Variants in GLIS1 observed in about 807,000 individuals in gnomAD.
The protein encoded by GLIS1 is zinc finger protein GLIS1.
In GLIS1, 24 loss-of-function variants were observed where a neutral mutation model predicts 63.8. The ratio of observed to expected loss-of-function variants is 0.38; its 90% CI spans 0.27 to 0.53. GLIS1 has a LOEUF of 0.53. Ranked by LOEUF, GLIS1 falls within the 20% of genes least tolerant of loss-of-function variation. GLIS1 has a pLI of 0.85. For missense variants in GLIS1, 1,036 were observed against 1,074.1 expected (o/e 0.96, Z 0.50); for synonymous variants, 450 against 482.5 (o/e 0.93, Z 0.88).
At chr1:53,544,808 G>T (rs923089283) in intron 4 of GLIS1, among the ~76,000 whole-genome samples, 2 of 152,154 alleles carry the variant, frequency 1.3e-5, no homozygotes. Context: ...CTGGGCTTTG[G>T]GGCAGGTCCT....
chr1:53,678,337 G>A (rs1233405921), intron 2 of GLIS1, among the ~76,000 whole-genome samples: 3 of 136,822 alleles, frequency 2.2e-5, no homozygotes, highest in South Asian at 2.9e-4. Context: ...GAGGGGGGGG[G>A]GGTGGGGGGC....
At chr1:53,513,038 G>A (rs1361124678) in intron 8 of GLIS1, among the ~76,000 whole-genome samples, 3 of 152,070 alleles carry the variant, frequency 2.0e-5, no homozygotes, top group African/African-American at 7.2e-5. Flanking sequence ...AGGAGGGCCC[G>A]GTTTTCTGGG....
At chr1:53,514,906 T>A in intron 7 of GLIS1, 125 bp from the exon 8 acceptor site, 1 of 1,136,466 alleles carries the variant, frequency 8.8e-7, no homozygotes, top group Non-Finnish European at 1.2e-6. Context: ...AACAACGTTG[T>A]ATCACTGGAA....
At chr1:53,675,093 C>G (rs565126234) in intron 2 of GLIS1, among the ~76,000 whole-genome samples, 1 of 152,340 alleles carries the variant, frequency 6.6e-6, no homozygotes, top group East Asian at 1.9e-4. Flanking sequence ...CAGCATCTCA[C>G]CTGGAGACAG....
chr1:53,543,995 A>C (rs1279939292), intron 4 of GLIS1, among the ~76,000 whole-genome samples: 1 of 152,144 alleles, frequency 6.6e-6, no homozygotes, highest in African/African-American at 2.4e-5. Context: ...TCCATGGAGA[A>C]CCAAGGGGTG....
chr1:53,522,987 T>TTTTTCTTTC lies in GLIS1; in HGVS notation c.1593+1789_1593+1790insGAAAGAAAA, dbSNP rs1488744448. Reference sequence around the variant, plus strand: ...GTTTCTTTTTCTTTTCTTTTCTTTCTTTTTTTTTTTTTTTTTTTGAGACAG... The same window carrying TTTTTCTTTC: ...GTTTCTTTTTCTTTTCTTTTCTTTCTTTTTCTTTCTTTTTTTTTTTTTTTTTTGAGACAG... On this transcript the variant is annotated intron_variant, in intron 6 of 10. Coordinates refer to ENST00000628545, the MANE Select transcript of GLIS1 (RefSeq NM_001367484.1). 1.4e-4 allele frequency among the ~76,000 whole-genome samples: 3 copies of TTTTTCTTTC among 20,790 alleles called. No individual in the cohort carries two copies. The African/African-American group carries it at 1.7e-3, about 12-fold the overall frequency. 13.6% of individuals were successfully genotyped at this position (20,790 alleles called of 152,430 possible).
At chr1:53,514,598 G>C in intron 8 of GLIS1, 27 bp downstream of exon 8, 1 of 1,604,214 alleles carries the variant, frequency 6.2e-7, no homozygotes, top group Non-Finnish European at 8.5e-7. Context: ...TGTTGCCCCT[G>C]GAGGAGGACT....
chr1:53,557,300 G>A, intron 4 of GLIS1, among the ~76,000 whole-genome samples: 1 of 152,110 alleles, frequency 6.6e-6, no homozygotes, highest in East Asian at 1.9e-4. Context: ...CCAGTGGTAG[G>A]CATTATTATC....
chr1:53,540,568 G>A (rs1165259440), intron 4 of GLIS1, among the ~76,000 whole-genome samples: 1 of 152,176 alleles, frequency 6.6e-6, no homozygotes, highest in Non-Finnish European at 1.5e-5. Context: ...AGTAACATTA[G>A]TCCCCTTTTG....
At chr1:53,538,301 C>T (rs1222572923) in intron 4 of GLIS1, among the ~76,000 whole-genome samples, 14 of 152,204 alleles carry the variant, frequency 9.2e-5, no homozygotes, top group Admixed American at 9.2e-4. Context: ...GTGCCACCTG[C>T]ATACATGAAT....
rs928221487 is a variant in GLIS1, at chr1:53,639,191, C to T, written c.260-38913G>A. On this transcript the variant is annotated intron_variant, in intron 2 of 10. Transcript: ENST00000628545. This position sits in a 1 kb window ranked among gnomAD's most constrained non-coding sequence, Gnocchi z 4.6. ...CAGAGTCATTCTAGAGATGAAGCCA[C>T]ACCAGCCGATGCAGAGTACCCACAT... is the stretch of plus-strand genomic sequence containing the variant. 2.6e-5 allele frequency among the ~76,000 whole-genome samples: 4 copies of T among 152,152 alleles called. No homozygotes were observed. The highest frequency in any genetic ancestry group is 9.7e-5 in the African/African-American group (4 of 41,436).
At chr1:53,678,833 C>T (rs768606480) in intron 2 of GLIS1, among the ~76,000 whole-genome samples, 2 of 152,156 alleles carry the variant, frequency 1.3e-5, no homozygotes, top group South Asian at 2.1e-4. Flanking sequence ...TGGAAAGCAC[C>T]GCACAAGCTG....
At chr1:53,570,678 G>A (rs1008494452) in intron 4 of GLIS1, among the ~76,000 whole-genome samples, 3 of 152,186 alleles carry the variant, frequency 2.0e-5, no homozygotes, top group Admixed American at 6.5e-5. Flanking sequence ...ATATATGACA[G>A]AGTGGCACTA....
intron 2 of GLIS1, among the ~76,000 whole-genome samples, chr1:53,641,892 C>T (rs774593927): frequency 8.5e-5 from 13 of 152,246 alleles, no homozygotes; most frequent in African/African-American, 2.2e-4. Flanking sequence ...CATTTAATCT[C>T]CAGCCCCAGG....
chr1:53,581,166 C>G, intron 4 of GLIS1, among the ~76,000 whole-genome samples: 1 of 152,154 alleles, frequency 6.6e-6, no homozygotes, highest in East Asian at 1.9e-4. Context: ...CTGATAATGC[C>G]GATGAAGAAG....
chr1:53,722,830 C>CAAA (rs1258815097), intron 2 of GLIS1, among the ~76,000 whole-genome samples: 1 of 91,600 alleles, frequency 1.1e-5, no homozygotes, highest in Non-Finnish European at 2.3e-5. Flanking sequence ...GACCCCGTCT[C>CAAA]AAAAAAAAAA....
At chr1:53,679,473 G>C (rs941240715) in intron 2 of GLIS1, among the ~76,000 whole-genome samples, 1 of 152,174 alleles carries the variant, frequency 6.6e-6, no homozygotes, top group Non-Finnish European at 1.5e-5. Flanking sequence ...CCAGGAAAAA[G>C]GGCCAGCCCA....
At chr1:53,704,073 G>C (rs920163800) in intron 2 of GLIS1, among the ~76,000 whole-genome samples, 2 of 152,254 alleles carry the variant, frequency 1.3e-5, no homozygotes, top group Admixed American at 6.5e-5. Flanking sequence ...CTGAGAATCA[G>C]TGTTGCCTAC....
At chr1:53,710,969 C>T (rs1461351722) in intron 2 of GLIS1, among the ~76,000 whole-genome samples, 1 of 151,794 alleles carries the variant, frequency 6.6e-6, no homozygotes, top group Non-Finnish European at 1.5e-5. Context: ...ACAGAACTGC[C>T]ACCCCTCTGC....
Sources: gnomAD v4.1 joint callset for allele counts (sites outside exome capture counted in the v4.1 genomes callset) on GRCh38, gnomAD v4.1.1 for gene constraint, Gnocchi (gnomAD v3.1) non-coding constraint, MANE v1.5 for transcripts, NCBI Gene and HGNC (gene_info 2026-07-23, HGNC 2026-07-21) for gene names.